The following PALS2 variants were observed in gnomAD, a reference collection of about 807,000 sequenced individuals.
The protein encoded by PALS2 is protein PALS2.
PALS2 carries 27 observed loss-of-function variants against 61.6 expected under a neutral mutation model. The observed-to-expected ratio is 0.44, with a 90% CI of 0.32 to 0.60. PALS2 has a LOEUF of 0.60. Among genes scored for constraint, PALS2 ranks in the 20% least tolerant of loss-of-function variants. The pLI is 0.05. For missense variants in PALS2, 554 were observed against 639.4 expected (o/e 0.87, Z 1.44); for synonymous variants, 236 against 218.6 (o/e 1.08, Z -0.70).
intron 2 of PALS2, among the ~76,000 whole-genome samples, chr7:24,637,961 T>TA (rs1309371909): frequency 1.3e-5 from 2 of 152,138 alleles, no homozygotes; most frequent in African/African-American, 4.8e-5. Context: ...CTCTTTAATT[T>TA]AAAAAAAGAA....
intron 7 of PALS2, 99 bp from the exon 8 acceptor site, chr7:24,665,922 A>T (rs76759125): frequency 0.058 from 70,364 of 1,204,774 alleles, 2,378 homozygotes; most frequent in African/African-American, 0.12. Flanking sequence ...AGGATGCCAC[A>T]TTGGGGAGAT....
rs926814022 is a variant in PALS2 at position 24,612,214 on chromosome 7, C to A, written c.-2-11452C>A. The stretch of plus-strand genomic sequence containing the variant: ...AAGAATATAAACTCAGGTAGTCAAT[C>A]TAACATATTTTACTGAACCCTAGGC... On this transcript the variant is annotated intron_variant, in intron 1 of 11. Transcript: ENST00000222644. Among the ~76,000 whole-genome samples the A allele has an allele frequency of 3.3e-5, 5 of 151,890 alleles. No homozygotes were observed. In the East Asian group the frequency reaches 9.6e-4, roughly 29 times the overall value.
At chr7:24,659,358 T>C (rs887706246) in intron 5 of PALS2, among the ~76,000 whole-genome samples, 2 of 152,252 alleles carry the variant, frequency 1.3e-5, no homozygotes, top group Admixed American at 1.3e-4. Context: ...CCTTTGGGTA[T>C]GTACCCAGTA....
chr7:24,607,878 T>G (rs2128050697), intron 1 of PALS2, among the ~76,000 whole-genome samples: 1 of 152,248 alleles, frequency 6.6e-6, no homozygotes, highest in African/African-American at 2.4e-5. Flanking sequence ...AACAATTGCA[T>G]TCATGTAAAT....
In PALS2 at chr7:24,573,494, G is replaced by T. The variant is rs1169159703; in HGVS notation, c.-102G>T. On this transcript the variant is annotated 5_prime_UTR_variant, in exon 1 of 12. Transcript: ENST00000222644. This position sits in a 1 kb window ranked among gnomAD's most constrained non-coding sequence, Gnocchi z 5.3. ...CTACGAGCCACGAGTTTGCAGATGG[G>T]GCTGCTCGGCGGCGCCTGTGGCTGA... The T allele has an allele frequency of 2.1e-5, 8 of 386,694 alleles. No individual in the cohort carries two copies. The South Asian group carries it at 3.9e-4, about 19-fold the overall frequency. The allele number at this position is 386,694 out of a possible 1,614,324, so 24.0% of individuals were successfully genotyped here.
chr7:24,662,768 GAAAAAAAAAA>G (rs59367702), intron 5 of PALS2, among the ~76,000 whole-genome samples: 13 of 102,642 alleles, frequency 1.3e-4, no homozygotes, highest in African/African-American at 2.7e-4. Flanking sequence ...GACTCCATCT[GAAAAAAAAAA>G]AAAAAAAAAA....
intron 6 of PALS2, 101 bp downstream of exon 6, chr7:24,663,822 A>G (rs978421466): frequency 7.2e-7 from 1 of 1,394,014 alleles, no homozygotes; most frequent in Non-Finnish European, 9.9e-7. Flanking sequence ...ATTTGTTACA[A>G]TGATTTTTCC....
chr7:24,586,466 A>G (rs906688225), intron 1 of PALS2, among the ~76,000 whole-genome samples: 1 of 152,236 alleles, frequency 6.6e-6, no homozygotes, highest in Non-Finnish European at 1.5e-5. Flanking sequence ...AAGGAAAAAA[A>G]GTAGTCCTTA....
chr7:24,652,714 C>G (rs1486882683), intron 5 of PALS2, among the ~76,000 whole-genome samples: 2 of 152,170 alleles, frequency 1.3e-5, no homozygotes, highest in Non-Finnish European at 2.9e-5. Flanking sequence ...CATTTTGCGT[C>G]TTCAACTCTT....
At chr7:24,637,192 T>C (rs1785278266) in intron 2 of PALS2, among the ~76,000 whole-genome samples, 1 of 152,104 alleles carries the variant, frequency 6.6e-6, no homozygotes, top group East Asian at 1.9e-4. Flanking sequence ...CCTTGATATG[T>C]AACTTATCTA....
intron 1 of PALS2, among the ~76,000 whole-genome samples, chr7:24,579,283 T>C (rs1184635863): frequency 6.6e-6 from 1 of 152,198 alleles, no homozygotes; most frequent in Admixed American, 6.5e-5. Context: ...AAGAGGCTAT[T>C]AGTTAACAGG....
At chr7:24,627,819 A>G (rs2128060392) in intron 2 of PALS2, among the ~76,000 whole-genome samples, 1 of 152,358 alleles carries the variant, frequency 6.6e-6, no homozygotes, top group South Asian at 2.1e-4. Context: ...AGACTAAACC[A>G]GGAAGAAGTC....
At chr7:24,676,437 T>C (rs1312189987) in intron 9 of PALS2, among the ~76,000 whole-genome samples, 3 of 152,094 alleles carry the variant, frequency 2.0e-5, no homozygotes, top group Non-Finnish European at 4.4e-5. Flanking sequence ...GTTTTAGACA[T>C]GAAGTGCTTG....
rs141276922 is a variant in PALS2, at chr7:24,592,855, G to A, written c.-3+19262G>A. ...AGTTGAAGTCTTTTGCTGGTGGAGG[G>A]TCTTACCTTGATGCTGATGGCTGCT... is the stretch of plus-strand genomic sequence containing the variant. On this transcript the variant is annotated intron_variant, in intron 1 of 11. Transcript: ENST00000222644. Among the ~76,000 whole-genome samples, 480 of 152,146 alleles carry A rather than the reference G, an allele frequency of 3.2e-3. 1 individual carries two copies. The highest frequency in any genetic ancestry group is 0.01 in the African/African-American group (427 of 41,506).
At chr7:24,599,716 G>T (rs1783649006) in intron 1 of PALS2, among the ~76,000 whole-genome samples, 1 of 151,648 alleles carries the variant, frequency 6.6e-6, no homozygotes, top group Non-Finnish European at 1.5e-5. Flanking sequence ...TGTTGGCCAG[G>T]CTGGTCTTGA....
chr7:24,638,832 A>G (rs746358304), intron 2 of PALS2, among the ~76,000 whole-genome samples: 28 of 152,194 alleles, frequency 1.8e-4, no homozygotes, highest in Middle Eastern at 3.2e-3. Context: ...GCATTAGGTT[A>G]ATACACATAC....
chr7:24,634,101 G>A (rs1785131023), intron 2 of PALS2, among the ~76,000 whole-genome samples: 1 of 151,976 alleles, frequency 6.6e-6, no homozygotes, highest in South Asian at 2.1e-4. Flanking sequence ...AGTTGTGAGA[G>A]TCTTTCATGT....
intron 2 of PALS2, among the ~76,000 whole-genome samples, chr7:24,636,314 G>T (rs576683906): frequency 2.6e-5 from 4 of 151,814 alleles, no homozygotes; most frequent in African/African-American, 7.3e-5. Context: ...CAAAGTGCCT[G>T]TCTTCTCCCA....
chr7:24,616,311 A>AT (rs1784291523), intron 1 of PALS2, among the ~76,000 whole-genome samples: 1 of 152,122 alleles, frequency 6.6e-6, no homozygotes, highest in African/African-American at 2.4e-5. Context: ...AAAAGACTCT[A>AT]CAAAAAAAAC....
Sources: allele counts gnomAD v4.1 joint callset (sites outside exome capture counted in the v4.1 genomes callset), GRCh38; gene constraint gnomAD v4.1.1; non-coding constraint Gnocchi (gnomAD v3.1); transcripts MANE v1.5; gene names NCBI Gene and HGNC (gene_info 2026-07-23, HGNC 2026-07-21).